The following DACH2 variants were observed in gnomAD, a reference collection of about 807,000 sequenced individuals.
DACH2 encodes dachshund homolog 2.
DACH2 carries 17 observed loss-of-function variants against 35.8 expected under a neutral mutation model. That is an observed-to-expected ratio of 0.48 (90% CI 0.33 to 0.71). DACH2 has a LOEUF of 0.71. Among genes scored for constraint, DACH2 ranks in the 30% least tolerant of loss-of-function variants. The pLI is 0.02. For synonymous variants in DACH2, 195 were observed against 177.3 expected, an observed-to-expected ratio of 1.10 and a Z score of -0.79; for missense variants, 469 against 472.7, an observed-to-expected ratio of 0.99 and a Z score of 0.07.
chrX:86,176,292 T>A (rs1480931359), intron 1 of DACH2, among the ~76,000 whole-genome samples: 1 of 111,084 alleles, frequency 9.0e-6, no homozygotes, highest in Non-Finnish European at 1.9e-5. Flanking sequence ...CTAGAAGGAA[T>A]GAATAAAAGA....
chrX:86,799,164 C>A (rs2042267527), intron 7 of DACH2: 1 of 292,440 alleles, frequency 3.4e-6, no homozygotes, highest in South Asian at 3.9e-5. Context: ...ACTCTTGGTT[C>A]TCGCACTGAT....
chrX:86,705,126 A>G (rs1179656543), intron 5 of DACH2, among the ~76,000 whole-genome samples: 1 of 100,655 alleles, frequency 9.9e-6, no homozygotes, highest in East Asian at 2.9e-4. Context: ...AAAGGAACAA[A>G]TTAATTGCAT....
At chrX:86,532,775 C>T (rs62594994) in intron 3 of DACH2, among the ~76,000 whole-genome samples, 5,454 of 110,660 alleles carry the variant, frequency 0.049, 119 homozygotes, top group Middle Eastern at 0.095. Flanking sequence ...TAAGCTCATT[C>T]CTTTCTGAAG....
intron 3 of DACH2, among the ~76,000 whole-genome samples, chrX:86,633,707 C>G (rs1380385462): frequency 9.0e-6 from 1 of 111,516 alleles, no homozygotes; most frequent in East Asian, 2.8e-4. Flanking sequence ...CAAAAACCCT[C>G]AATAAAATAC....
chrX:86,441,246 C>T (rs780476609), intron 2 of DACH2, among the ~76,000 whole-genome samples: 17 of 110,969 alleles, frequency 1.5e-4, no homozygotes, highest in Non-Finnish European at 3.2e-4. Flanking sequence ...GTTCATTAAA[C>T]ATCTCCACTT....
chrX:86,449,391 G>A (rs988559106), intron 2 of DACH2, among the ~76,000 whole-genome samples: 2 of 107,677 alleles, frequency 1.9e-5, no homozygotes, highest in African/African-American at 6.8e-5. Context: ...TGTGATGTTA[G>A]GGTGTCAATT....
chrX:86,791,624 A>T (rs1257289159), intron 7 of DACH2, among the ~76,000 whole-genome samples: 1 of 111,653 alleles, frequency 9.0e-6, no homozygotes, highest in East Asian at 2.8e-4. Flanking sequence ...TTAAGCCTTA[A>T]TATGTGCTCT....
Position 86,470,476 on chromosome X carries a change from G to A in DACH2, c.528-43803G>A, listed in dbSNP as rs186816437. ...ATAAATCATATGTAGCATATTTATT[G>A]TGTATGTTAATTTTACGGCAGTTTC... On this transcript the variant is annotated intron_variant, in intron 2 of 11. Transcript: ENST00000373125. Among the ~76,000 whole-genome samples the A allele has an allele frequency of 2.4e-4, 27 of 111,524 alleles. No individual in the cohort carries two copies. In the East Asian group the frequency reaches 4.2e-3, roughly 17 times the overall value.
intron 2 of DACH2, among the ~76,000 whole-genome samples, chrX:86,405,845 G>T (rs1055795073): frequency 9.0e-6 from 1 of 111,726 alleles, no homozygotes; most frequent in African/African-American, 3.3e-5. Flanking sequence ...CCAGAGGTCT[G>T]GGGAGGCCTC....
rs1031575938 is a variant in DACH2 at position 86,165,266 on chromosome X, C to T, written c.488+16158C>T. ...TACGTTGCTTCCAAATCTTAGCTAT[C>T]GTAAACAGTGCTGTAATGAACAAGG... On this transcript the variant is annotated intron_variant, in intron 1 of 11. Coordinates refer to ENST00000373125, the MANE Select transcript of DACH2 (RefSeq NM_053281.3). Among the ~76,000 whole-genome samples the T allele has an allele frequency of 5.4e-5, 6 of 111,523 alleles. No homozygotes were observed. In the East Asian group the frequency reaches 8.5e-4, roughly 16 times the overall value.
chrX:86,479,997 G>T (rs1202246499), intron 2 of DACH2, among the ~76,000 whole-genome samples: 2 of 112,347 alleles, frequency 1.8e-5, no homozygotes, highest in African/African-American at 6.5e-5. Flanking sequence ...AGTTCATTTT[G>T]TGAGGTTGTG....
At chrX:86,232,286 G>T (rs1349679016) in intron 1 of DACH2, among the ~76,000 whole-genome samples, 1 of 112,231 alleles carries the variant, frequency 8.9e-6, no homozygotes, top group Admixed American at 9.5e-5. Flanking sequence ...TCTGGATATA[G>T]AAACTGGCAA....
intron 1 of DACH2, among the ~76,000 whole-genome samples, chrX:86,216,965 C>T (rs1474847281): frequency 9.1e-6 from 1 of 110,023 alleles, no homozygotes; most frequent in Non-Finnish European, 1.9e-5. Context: ...GTGACACTCA[C>T]CTGTAACCCC....
intron 1 of DACH2, among the ~76,000 whole-genome samples, chrX:86,287,705 AT>A (rs1471606332): frequency 8.0e-5 from 9 of 112,066 alleles, no homozygotes; most frequent in Admixed American, 2.8e-4. Context: ...TGCCAATTAC[AT>A]TTTTTAGCTC....
At chrX:86,537,246 T>C (rs2038815743) in intron 3 of DACH2, among the ~76,000 whole-genome samples, 1 of 111,379 alleles carries the variant, frequency 9.0e-6, no homozygotes, top group Non-Finnish European at 1.9e-5. Context: ...CATTAGAATG[T>C]GTTTAGCAAA....
At position 86,212,858 on chromosome X, in the gene DACH2, G is replaced by A. The variant is rs142176541; in HGVS notation, c.488+63750G>A. Reference sequence around the variant, plus strand: ...GTTAAAGGATCAAATGGTTAAAATTGCAGTCTATTTTTTACTGCAACTTTT... The same window carrying A: ...GTTAAAGGATCAAATGGTTAAAATTACAGTCTATTTTTTACTGCAACTTTT... On this transcript the variant is annotated intron_variant, in intron 1 of 11. Coordinates refer to ENST00000373125, the MANE Select transcript of DACH2 (RefSeq NM_053281.3). Among the ~76,000 whole-genome samples, 516 of 111,164 alleles carry A rather than the reference G, an allele frequency of 4.6e-3. 3 individuals are homozygous for A. Among genetic ancestry groups the A allele is most frequent in the African/African-American group, 0.016 (491 of 30,716 alleles).
intron 1 of DACH2, among the ~76,000 whole-genome samples, chrX:86,228,542 G>T (rs2032877848): frequency 1.8e-5 from 2 of 110,487 alleles, no homozygotes; most frequent in South Asian, 7.5e-4. Context: ...TCTCCACACT[G>T]TTTTCCATAG....
chrX:86,542,376 G>C (rs6623702), intron 3 of DACH2, among the ~76,000 whole-genome samples: 34,815 of 110,112 alleles, frequency 0.32, 6,219 homozygotes, highest in African/African-American at 0.69. Context: ...ATAATTCTAG[G>C]TCTTATGAAG....
At chrX:86,336,493 G>A (rs950655054) in intron 1 of DACH2, among the ~76,000 whole-genome samples, 1 of 111,656 alleles carries the variant, frequency 9.0e-6, no homozygotes, top group African/African-American at 3.3e-5. Context: ...CAGACCTGCA[G>A]CAGATGGGCC....
Sources: gnomAD v4.1 joint callset for allele counts (sites outside exome capture counted in the v4.1 genomes callset) on GRCh38, gnomAD v4.1.1 for gene constraint, MANE v1.5 for transcripts, NCBI Gene and HGNC (gene_info 2026-07-23, HGNC 2026-07-21) for gene names.